Variants in XPO1 observed in about 807,000 individuals in gnomAD.
The protein encoded by XPO1 is exportin 1.
A neutral mutation model predicts 133.3 loss-of-function variants in XPO1; 5 were observed. The ratio of observed to expected loss-of-function variants is 0.04; its 90% CI spans 0.02 to 0.08. The LOEUF (loss-of-function observed/expected upper bound fraction) is 0.08, where lower values mean the gene tolerates loss of function less well. Ranked by LOEUF, XPO1 falls within the 10% of genes least tolerant of loss-of-function variation. XPO1 has a pLI of 1.00. For synonymous variants in XPO1, 419 were observed against 408.2 expected (o/e 1.03, Z -0.32); for missense variants, 506 against 1,267.5 (o/e 0.40, Z 9.12).
rs142929817 is a variant in XPO1, at chr2:61,478,432, T to C, written c.*388A>G. On this transcript the variant is annotated 3_prime_UTR_variant, in exon 25 of 25. Coordinates refer to ENST00000401558, the MANE Select transcript of XPO1 (RefSeq NM_003400.4). ...CATTATCTTTTCTTCTAGGCTGAAA[T>C]AGACTAGAAGGAAAATGCTCCCTAA... 1 of 267,054 alleles carries C rather than the reference T, an allele frequency of 3.7e-6. No homozygotes were observed. The highest frequency in any genetic ancestry group is 5.7e-5 in the East Asian group (1 of 17,612). 16.5% of individuals were successfully genotyped at this position (267,054 alleles called of 1,614,324 possible). A position where few individuals can be genotyped will look rare whatever the true frequency, so the allele number is the denominator to read the frequency against.
chr2:61,488,905 T>C, intron 17 of XPO1, 134 bp from the exon 18 acceptor site: 3 of 904,678 alleles, frequency 3.3e-6, no homozygotes, highest in Non-Finnish European at 5.0e-6. Flanking sequence ...ATCGGGACCA[T>C]CCTGGATAAC....
intron 4 of XPO1, among the ~76,000 whole-genome samples, chr2:61,518,808 T>G (rs1448549244): frequency 6.6e-6 from 1 of 152,166 alleles, no homozygotes; most frequent in Non-Finnish European, 1.5e-5. Flanking sequence ...GGCCTAAAGC[T>G]AAATGAAAAT....
intron 4 of XPO1, among the ~76,000 whole-genome samples, chr2:61,513,665 A>C (rs1264493508): frequency 6.6e-6 from 1 of 152,148 alleles, no homozygotes. Context: ...TGCATGACAA[A>C]GATTTCTTGA....
At chr2:61,536,183 T>A (rs1486912132) in intron 1 of XPO1, 1 of 152,242 alleles carries the variant, frequency 6.6e-6, no homozygotes, top group Non-Finnish European at 1.5e-5. Flanking sequence ...AACTAGCGGC[T>A]ATCTTCGAAA....
At chr2:61,523,606 A>AG (rs1179241629) in intron 3 of XPO1, among the ~76,000 whole-genome samples, 1 of 152,222 alleles carries the variant, frequency 6.6e-6, no homozygotes, top group African/African-American at 2.4e-5. Context: ...AATATCTGAA[A>AG]GGTAAGCTCA....
At chr2:61,521,774 T>G (rs988687202) in intron 4 of XPO1, among the ~76,000 whole-genome samples, 3 of 152,102 alleles carry the variant, frequency 2.0e-5, no homozygotes, top group African/African-American at 7.2e-5. Context: ...TCTTGTTTTT[T>G]GAGACGGAGT....
chr2:61,534,748 G>T (rs1278113567), intron 1 of XPO1: 1 of 152,148 alleles, frequency 6.6e-6, no homozygotes, highest in African/African-American at 2.4e-5. Flanking sequence ...AATTCCTATT[G>T]TCTACAGCAA....
At chr2:61,488,118 A>T (rs1696786960) in intron 19 of XPO1, 47 bp downstream of exon 19, 4 of 1,524,682 alleles carry the variant, frequency 2.6e-6, no homozygotes. Flanking sequence ...ATTCCATAAA[A>T]CACAGCATCA....
At chr2:61,536,319 C>T (rs1290934619) in intron 1 of XPO1, 1 of 152,208 alleles carries the variant, frequency 6.6e-6, no homozygotes, top group Non-Finnish European at 1.5e-5. Context: ...CAGTGTCCCA[C>T]ACTTAAGATA....
At chr2:61,501,067 T>C (rs1374598744) in intron 6 of XPO1, among the ~76,000 whole-genome samples, 1 of 152,170 alleles carries the variant, frequency 6.6e-6, no homozygotes, top group Non-Finnish European at 1.5e-5. Flanking sequence ...ATTATAAAAA[T>C]ACATGTTAAC....
At chr2:61,520,596 G>A (rs1260699730) in intron 4 of XPO1, among the ~76,000 whole-genome samples, 2 of 152,192 alleles carry the variant, frequency 1.3e-5, no homozygotes, top group East Asian at 3.8e-4. Flanking sequence ...AAGCTGCAGT[G>A]ATGGTGCCAA....
chr2:61,505,986 C>T (rs1253152821), intron 4 of XPO1, among the ~76,000 whole-genome samples: 1 of 152,170 alleles, frequency 6.6e-6, no homozygotes, highest in African/African-American at 2.4e-5. Flanking sequence ...CAATAAAACC[C>T]CCATGGCCAG....
At chr2:61,493,127 AAAAC>A (rs769735390) in intron 12 of XPO1, 74 bp from the exon 13 acceptor site, 52 of 1,422,026 alleles carry the variant, frequency 3.7e-5, no homozygotes, top group Middle Eastern at 2.0e-4. Context: ...AGCTTAGTTA[AAAAC>A]AAACAAAACC....
Position 61,538,196 on chromosome 2 carries a change from G to A in XPO1, c.-641C>T, listed in dbSNP as rs1333618681. 1.4e-5 allele frequency: 3 copies of A among 221,990 alleles called. No individual in the cohort carries two copies. Among genetic ancestry groups the A allele is most frequent in the East Asian group, 8.6e-5 (1 of 11,578 alleles). 13.8% of individuals were successfully genotyped at this position (221,990 alleles called of 1,614,324 possible). A position where few individuals can be genotyped will look rare whatever the true frequency, so the allele number is the denominator to read the frequency against. The stretch of plus-strand genomic sequence containing the variant: ...CGGGGCTGTAGCTACTGTTGCTCTT[G>A]CTGATGCTGTAGCTCCCGCTGCTCC... On this transcript the variant is annotated 5_prime_UTR_variant, in exon 1 of 25. Coordinates refer to ENST00000401558, the MANE Select transcript of XPO1 (RefSeq NM_003400.4).
intron 4 of XPO1, among the ~76,000 whole-genome samples, chr2:61,511,464 G>C (rs747373043): frequency 6.6e-6 from 1 of 152,114 alleles, no homozygotes; most frequent in Non-Finnish European, 1.5e-5. Context: ...GCCCAGGCTG[G>C]AGTGCAGTGG....
intron 4 of XPO1, among the ~76,000 whole-genome samples, chr2:61,509,954 T>C (rs1458249070): frequency 1.3e-5 from 2 of 152,206 alleles, no homozygotes; most frequent in African/African-American, 2.4e-5. Context: ...TATATATAAT[T>C]GAAATGTTTA....
At chr2:61,515,075 A>AAC (rs1292167983) in intron 4 of XPO1, among the ~76,000 whole-genome samples, 1 of 151,558 alleles carries the variant, frequency 6.6e-6, no homozygotes, top group African/African-American at 2.4e-5. Context: ...GTCTTAAAAA[A>AAC]AAAAAAAAAA....
Position 61,502,225 on chromosome 2 carries a change from A to T in XPO1, c.363+24T>A, listed in dbSNP as rs766573570. On this transcript the variant is annotated intron_variant, in intron 5 of 24. Transcript: ENST00000401558. ...ATCTAAATGATTTTATGCTCTCCCA[A>T]TAAGCTCCAAAATAAACTCTTACCT... 1.9e-6 allele frequency: 3 copies of T among 1,607,426 alleles called. No homozygotes were observed. The South Asian group carries it at 3.4e-5, about 18-fold the overall frequency.
At chr2:61,488,897 C>A in intron 17 of XPO1, 126 bp from the exon 18 acceptor site, 1 of 955,592 alleles carries the variant, frequency 1.0e-6, no homozygotes, top group Non-Finnish European at 1.6e-6. Flanking sequence ...TTCAGGAGAT[C>A]GGGACCATCC....
Sources: allele counts gnomAD v4.1 joint callset (sites outside exome capture counted in the v4.1 genomes callset), GRCh38; gene constraint gnomAD v4.1.1; transcripts MANE v1.5; gene names NCBI Gene and HGNC (gene_info 2026-07-23, HGNC 2026-07-21).